NALCN: variants seen among roughly 807,000 people sequenced by gnomAD.
NALCN encodes the protein sodium leak channel, non-selective, also known as sodium leak channel NALCN.
NALCN carries 111 observed loss-of-function variants against 225.3 expected under a neutral mutation model. That is an observed-to-expected ratio of 0.49 (90% CI 0.42 to 0.58). The LOEUF (loss-of-function observed/expected upper bound fraction) is 0.58. NALCN is among the 20% of genes least tolerant of loss of function. The pLI, the probability that NALCN is intolerant of heterozygous loss-of-function variation, is 0.00. For missense variants in NALCN, 1,378 were observed against 2,202.4 expected (o/e 0.63, Z 7.49); for synonymous variants, 764 against 769.0 (o/e 0.99, Z 0.11).
intron 7 of NALCN, among the ~76,000 whole-genome samples, chr13:101,323,815 C>T (rs2044842453): frequency 6.6e-6 from 1 of 152,220 alleles, no homozygotes; most frequent in African/African-American, 2.4e-5. Context: ...TATGCAATCT[C>T]CTTTTCTGGA....
intron 7 of NALCN, among the ~76,000 whole-genome samples, chr13:101,308,123 T>C (rs1013993707): frequency 6.6e-6 from 1 of 152,174 alleles, no homozygotes; most frequent in African/African-American, 2.4e-5. Flanking sequence ...TGAAGTCAAA[T>C]TTCATGGCTT....
Position 101,292,414 on chromosome 13 carries a change from T to C in NALCN, c.800-48A>G, listed in dbSNP as rs754670230. On this transcript the variant is annotated intron_variant, in intron 7 of 43. Transcript: ENST00000251127. The surrounding 1 kb of genome is among the most constrained non-coding windows in gnomAD (Gnocchi z 4.3). ...ACTGAGTCACAGCTGACTTTTGAAA[T>C]AAGAAAGCATTTTCCAGAAAAACAA... The C allele has an allele frequency of 5.2e-6, 8 of 1,539,252 alleles. No homozygotes were observed. The highest frequency in any genetic ancestry group is 6.1e-6 in the Non-Finnish European group (7 of 1,139,520).
rs1015798491 is a variant in NALCN, at chr13:101,347,368, C to T, written c.645-1948G>A. Among the ~76,000 whole-genome samples the T allele has an allele frequency of 4.6e-5, 7 of 152,068 alleles. No individual in the cohort carries two copies. In the East Asian group the frequency reaches 1.3e-3, roughly 29 times the overall value. On this transcript the variant is annotated intron_variant, in intron 6 of 43. Coordinates refer to ENST00000251127, the MANE Select transcript of NALCN (RefSeq NM_052867.4). ...TCATATTTTAAGCTGGTCCTTTGGA[C>T]CCCATCTGTAAAACCCAAGGGAAAG...
At chr13:101,294,560 C>CTT (rs10615640) in intron 7 of NALCN, among the ~76,000 whole-genome samples, 42 of 87,844 alleles carry the variant, frequency 4.8e-4, no homozygotes, top group Middle Eastern at 7.7e-3. Flanking sequence ...TTTATTGTTT[C>CTT]TTTTTTTTTT....
chr13:101,073,454 C>T (rs2033037398), intron 37 of NALCN, 130 bp downstream of exon 37: 1 of 681,042 alleles, frequency 1.5e-6, no homozygotes, highest in Non-Finnish European at 2.3e-6. Context: ...ATTTTATGGA[C>T]TGAAGTGTCA....
chr13:101,107,343 G>C (rs922957108), intron 22 of NALCN, 144 bp downstream of exon 22: 70 of 1,385,368 alleles, frequency 5.1e-5, no homozygotes, highest in Non-Finnish European at 6.6e-5. Flanking sequence ...CGGGTGTTCA[G>C]CAAAGAGGAG....
rs2041566355 is a variant in NALCN, at chr13:101,236,704, A to T, written c.1434+1051T>A. On this transcript the variant is annotated intron_variant, in intron 12 of 43. Coordinates refer to ENST00000251127, the MANE Select transcript of NALCN (RefSeq NM_052867.4). ...CCGCATATTCTCACTCATAGGTGGG[A>T]ATTGAACAATGAGAACACATGGACA... Among the ~76,000 whole-genome samples the T allele has an allele frequency of 1.8e-4, 27 of 145,958 alleles. No homozygotes were observed. In the South Asian group the frequency reaches 5.9e-3, roughly 32 times the overall value.
Position 101,074,632 on chromosome 13 carries a change from C to A in NALCN, c.3985G>T (p.Val1329Phe). The A allele has an allele frequency of 3.1e-6, 5 of 1,612,548 alleles. No individual in the cohort carries two copies. The highest frequency in any genetic ancestry group is 3.4e-6 in the Non-Finnish European group (4 of 1,179,708). Residue 1329 changes from valine to phenylalanine, a missense_variant, in exon 36 of 44, where the codon GTC becomes TTC. Around this residue, in one of 19 missense-constraint regions of NALCN, gnomAD observed 4 missense variants for 34.3 expected, o/e 0.12. Transcript: ENST00000251127. ...VTLKMLLLTV[V>F]VSMYKSFFII... is the part of the protein sequence containing the mutation. ...AAGAAGCTCTTGTACATGCTGACGA[C>A]CACTGTCAAGAGGAGCATCTTTAGC... is the stretch of plus-strand genomic sequence containing the variant.
intron 6 of NALCN, among the ~76,000 whole-genome samples, chr13:101,373,790 C>T (rs1053175558): frequency 1.4e-4 from 22 of 151,996 alleles, no homozygotes; most frequent in Non-Finnish European, 2.4e-4. Context: ...CAGGAAGTAC[C>T]TCATAAGAAA....
intron 30 of NALCN, among the ~76,000 whole-genome samples, chr13:101,086,269 G>C (rs2033926112): frequency 6.6e-6 from 1 of 151,724 alleles, no homozygotes; most frequent in African/African-American, 2.4e-5. Context: ...TTGGATATTT[G>C]ACATATTAAT....
At chr13:101,057,087 T>A (rs975310245) in intron 43 of NALCN, 2 of 152,230 alleles carry the variant, frequency 1.3e-5, no homozygotes, top group African/African-American at 2.4e-5. Flanking sequence ...TCATCTGCTT[T>A]GTGGAACACA....
chr13:101,212,365 A>G (rs1437414197), intron 13 of NALCN, among the ~76,000 whole-genome samples: 2 of 152,158 alleles, frequency 1.3e-5, no homozygotes, highest in Non-Finnish European at 2.9e-5. Flanking sequence ...TGTCTTTGCT[A>G]TTACTTTAGA....
rs779562116 is a variant in NALCN, at chr13:101,176,253, C to T, written c.1839+47G>A. ...ATTGCCTATAAGCAAATGGTTTGCCCCTGGTTTTTTGTCCTTTTTAAAAAA... is the reference window on the plus strand; with the variant it reads ...ATTGCCTATAAGCAAATGGTTTGCCTCTGGTTTTTTGTCCTTTTTAAAAAA... On this transcript the variant is annotated intron_variant, in intron 15 of 43. Coordinates refer to ENST00000251127, the MANE Select transcript of NALCN (RefSeq NM_052867.4). 26 of 1,402,118 alleles carry T rather than the reference C, an allele frequency of 1.9e-5. 1 individual carries two copies. In the South Asian group the frequency reaches 3.0e-4, roughly 16 times the overall value. 86.9% of individuals were successfully genotyped at this position (1,402,118 alleles called of 1,614,324 possible).
At chr13:101,071,034 T>C (rs886171754) in intron 37 of NALCN, among the ~76,000 whole-genome samples, 1 of 152,144 alleles carries the variant, frequency 6.6e-6, no homozygotes, top group Non-Finnish European at 1.5e-5. Flanking sequence ...ACGGCTATAG[T>C]GAGAACTCAC....
chr13:101,110,522 G>T, intron 20 of NALCN, 97 bp downstream of exon 20: 2 of 1,285,938 alleles, frequency 1.6e-6, no homozygotes, highest in Non-Finnish European at 2.2e-6. Flanking sequence ...GGAGACATGG[G>T]AATGCAGCAG....
chr13:101,181,400 C>T, intron 14 of NALCN: 3 of 505,224 alleles, frequency 5.9e-6, no homozygotes, highest in South Asian at 4.3e-5. Flanking sequence ...TTTAAAAGTT[C>T]TGGGGCTTTT....
intron 18 of NALCN, among the ~76,000 whole-genome samples, chr13:101,116,090 T>C (rs1179360318): frequency 6.6e-6 from 1 of 152,138 alleles, no homozygotes; most frequent in Non-Finnish European, 1.5e-5. Flanking sequence ...TTGGGGTTAA[T>C]GTTATGCCCT....
At chr13:101,175,159 A>AT (rs1438625680) in intron 15 of NALCN, among the ~76,000 whole-genome samples, 2 of 152,122 alleles carry the variant, frequency 1.3e-5, no homozygotes, top group Non-Finnish European at 2.9e-5. Flanking sequence ...GAAGATGCCC[A>AT]TTTGCCTGGG....
At chr13:101,177,449 T>C (rs1464616455) in intron 14 of NALCN, among the ~76,000 whole-genome samples, 1 of 121,036 alleles carries the variant, frequency 8.3e-6, no homozygotes, top group Non-Finnish European at 2.0e-5. Context: ...AGCTCAACTA[T>C]GCATATAACG....
Sources: gnomAD v4.1 joint callset for allele counts (sites outside exome capture counted in the v4.1 genomes callset) on GRCh38, gnomAD v4.1.1 for gene constraint, gnomAD v4.1.1 regional missense constraint, Gnocchi (gnomAD v3.1) non-coding constraint, MANE v1.5 for transcripts, NCBI Gene and HGNC (gene_info 2026-07-23, HGNC 2026-07-21) for gene names.